Variants in SCUBE1 observed in about 807,000 individuals in gnomAD.
The protein encoded by SCUBE1 is signal peptide, CUB domain and EGF like domain containing 1.
Under a neutral mutation model 124.4 loss-of-function variants are expected in SCUBE1, and 59 were observed. The ratio of observed to expected loss-of-function variants is 0.47; its 90% confidence interval spans 0.38 to 0.59. SCUBE1 has a LOEUF of 0.59. Among genes scored for constraint, SCUBE1 ranks in the 20% least tolerant of loss-of-function variants. SCUBE1 has a pLI of 0.00. For missense variants in SCUBE1, 1,150 were observed against 1,371.2 expected (o/e 0.84, Z 2.55); for synonymous variants, 545 against 550.9 (o/e 0.99, Z 0.15).
intron 4 of SCUBE1, among the ~76,000 whole-genome samples, chr22:43,267,136 G>T (rs993090322): frequency 6.6e-6 from 1 of 152,016 alleles, no homozygotes; most frequent in Admixed American, 6.6e-5. Flanking sequence ...GTAGGAAATC[G>T]GAATAGTTGC....
Position 43,258,228 on chromosome 22 carries a change from T to G in SCUBE1, c.718A>C (p.Thr240Pro). The G allele has an allele frequency of 6.2e-7, 1 of 1,612,794 alleles. No homozygotes were observed. The highest frequency in any genetic ancestry group is 8.5e-7 in the Non-Finnish European group (1 of 1,178,998). Residue 240 changes from threonine to proline, a missense_variant, in exon 6 of 22, where the codon ACG becomes CCG. Coordinates refer to ENST00000360835, the MANE Select transcript of SCUBE1 (RefSeq NM_173050.5). The surrounding 1 kb of genome is among the most constrained non-coding windows in gnomAD (Gnocchi z 5.0). The part of the protein sequence containing the change: ...QKYALHSDGR[T>P]CIETCAVNNG... Reference sequence around the variant, plus strand: ...AGAGGTGCCTACTTACCGATGCACGTGCGACCGTCTGAGTGGAGGGCGTAC... The same window carrying G: ...AGAGGTGCCTACTTACCGATGCACGGGCGACCGTCTGAGTGGAGGGCGTAC...
At chr22:43,221,750 C>G (rs1922099649) in intron 12 of SCUBE1, among the ~76,000 whole-genome samples, 1 of 152,202 alleles carries the variant, frequency 6.6e-6, no homozygotes, top group African/African-American at 2.4e-5. Context: ...TGCTTAGAAT[C>G]AAATCACATA....
intron 2 of SCUBE1, among the ~76,000 whole-genome samples, chr22:43,337,617 C>G (rs1927127018): frequency 1.3e-5 from 2 of 152,234 alleles, no homozygotes; most frequent in South Asian, 4.1e-4. Context: ...CAGCTCCCCA[C>G]TTTGGGTTCT....
At chr22:43,339,686 CCCACAAGCA>C in intron 1 of SCUBE1, among the ~76,000 whole-genome samples, 3 of 136,056 alleles carry the variant, frequency 2.2e-5, no homozygotes, top group African/African-American at 5.6e-5. Context: ...ACTCTATCCC[CCCACAAGCA>C]TTGCTCCAAC....
rs536963897 is a variant in SCUBE1, at chr22:43,224,802, T to C, written c.1208-1586A>G. Among the ~76,000 whole-genome samples the C allele has an allele frequency of 2.6e-5, 4 of 152,236 alleles. No individual in the cohort carries two copies. The South Asian group carries it at 8.3e-4, about 32-fold the overall frequency. On this transcript the variant is annotated intron_variant, in intron 10 of 21. Transcript: ENST00000360835. ...ATGCTAAGCACACACTTTTGACTGA[T>C]GAAAGTGATGATCATGGGCTGGTTA...
At chr22:43,229,709 T>C (rs572501680) in intron 8 of SCUBE1, among the ~76,000 whole-genome samples, 29 of 152,050 alleles carry the variant, frequency 1.9e-4, no homozygotes, top group Admixed American at 3.9e-4. Context: ...ATGCCACCCA[T>C]AAAGGTCAAA....
intron 4 of SCUBE1, among the ~76,000 whole-genome samples, chr22:43,267,106 C>T (rs1924100764): frequency 6.6e-6 from 1 of 152,230 alleles, no homozygotes; most frequent in African/African-American, 2.4e-5. Flanking sequence ...CTCCTATCTG[C>T]CCTTGCTTCA....
chr22:43,212,627 A>G (rs779435515), intron 16 of SCUBE1, 35 bp from the exon 17 acceptor site: 72 of 1,536,608 alleles, frequency 4.7e-5, no homozygotes, highest in Non-Finnish European at 5.8e-5. Flanking sequence ...GGCGGGCAGG[A>G]GGGCACCGCA....
intron 7 of SCUBE1, chr22:43,232,178 CG>C: frequency 3.0e-6 from 1 of 338,486 alleles, no homozygotes; most frequent in East Asian, 5.3e-5. Context: ...CTGCTGTGCC[CG>C]GCAAGAAAGC....
intron 3 of SCUBE1, among the ~76,000 whole-genome samples, chr22:43,292,426 T>C (rs866699747): frequency 6.6e-6 from 1 of 152,156 alleles, no homozygotes; most frequent in Non-Finnish European, 1.5e-5. Flanking sequence ...GCTCTGTCAG[T>C]TTGTTTAATG....
intron 4 of SCUBE1, among the ~76,000 whole-genome samples, chr22:43,278,963 G>A (rs550584794): frequency 6.6e-6 from 1 of 152,266 alleles, no homozygotes; most frequent in African/African-American, 2.4e-5. Context: ...CAGGTTTGGG[G>A]GAAGGACAGT....
rs971588715 is a variant in SCUBE1, at chr22:43,258,774, T to C, written c.611-439A>G. Among the ~76,000 whole-genome samples, 1 of 152,160 alleles carries C rather than the reference T, an allele frequency of 6.6e-6. No homozygotes were observed. Among genetic ancestry groups the C allele is most frequent in the African/African-American group, 2.4e-5 (1 of 41,436 alleles). Reference sequence around the variant, plus strand: ...GGCCCGTGGTTCCAGGTGACCCTCATTTCCTTAGTTCTGGCAGAGCTTTCC... The same window carrying C: ...GGCCCGTGGTTCCAGGTGACCCTCACTTCCTTAGTTCTGGCAGAGCTTTCC... On this transcript the variant is annotated intron_variant, in intron 5 of 21. Transcript: ENST00000360835. This position sits in a 1 kb window ranked among gnomAD's most constrained non-coding sequence, Gnocchi z 5.0.
intron 7 of SCUBE1, among the ~76,000 whole-genome samples, chr22:43,235,028 C>T (rs1922700600): frequency 6.6e-6 from 1 of 152,220 alleles, no homozygotes; most frequent in African/African-American, 2.4e-5. Flanking sequence ...GCTCCCTCTT[C>T]ATGGGAGCTA....
chr22:43,305,061 C>T (rs958293641), intron 3 of SCUBE1, among the ~76,000 whole-genome samples: 2 of 152,190 alleles, frequency 1.3e-5, no homozygotes, highest in African/African-American at 4.8e-5. Flanking sequence ...ACCCCCACTG[C>T]CCGCACTGTC....
At chr22:43,245,652 G>T (rs2001075) in intron 6 of SCUBE1, among the ~76,000 whole-genome samples, 2 of 152,138 alleles carry the variant, frequency 1.3e-5, no homozygotes, top group African/African-American at 4.8e-5. Flanking sequence ...GGCAGCCCAG[G>T]GTCTCCTGGA....
chr22:43,286,200 C>T (rs778374462), intron 4 of SCUBE1, among the ~76,000 whole-genome samples: 11 of 152,246 alleles, frequency 7.2e-5, no homozygotes, highest in South Asian at 6.2e-4. Flanking sequence ...TTTAACCCTA[C>T]GAAGCAGGTA....
intron 4 of SCUBE1, chr22:43,282,985 G>C (rs73886567): frequency 0.069 from 10,543 of 152,290 alleles, 932 homozygotes; most frequent in African/African-American, 0.21. Flanking sequence ...CGTGAGCCAC[G>C]ACACCCAGCC....
At chr22:43,231,069 G>A (rs1922533001) in intron 8 of SCUBE1, among the ~76,000 whole-genome samples, 1 of 152,180 alleles carries the variant, frequency 6.6e-6, no homozygotes, top group Non-Finnish European at 1.5e-5. Context: ...GGGCCCACAG[G>A]GTACCTGTCT....
chr22:43,337,878 T>G (rs1185674962), intron 2 of SCUBE1, among the ~76,000 whole-genome samples: 1 of 152,182 alleles, frequency 6.6e-6, no homozygotes, highest in Non-Finnish European at 1.5e-5. Flanking sequence ...AAAATTCAGC[T>G]GGCAGGGCCC....
Sources: gnomAD v4.1 joint callset for allele counts (sites outside exome capture counted in the v4.1 genomes callset) on GRCh38, gnomAD v4.1.1 for gene constraint, Gnocchi (gnomAD v3.1) non-coding constraint, MANE v1.5 for transcripts, NCBI Gene and HGNC (gene_info 2026-07-23, HGNC 2026-07-21) for gene names.